Variants in LRMDA observed in about 807,000 individuals in gnomAD.
LRMDA encodes the protein leucine-rich melanocyte differentiation-associated protein.
LRMDA carries 18 observed loss-of-function variants against 29.8 expected under a neutral mutation model. The ratio of observed to expected loss-of-function variants is 0.60; its 90% CI spans 0.42 to 0.90. The LOEUF is 0.90. LRMDA is among the 40% of genes least tolerant of loss of function. LRMDA has a pLI of 0.00. For synonymous variants in LRMDA, 125 were observed against 109.4 expected (o/e 1.14, Z -0.89); for missense variants, 273 against 273.9 (o/e 1.00, Z 0.02).
chr10:76,167,394 G>A (rs1489133049), intron 5 of LRMDA, among the ~76,000 whole-genome samples: 3 of 151,752 alleles, frequency 2.0e-5, no homozygotes, highest in Admixed American at 1.3e-4. Flanking sequence ...GTTCCTATGT[G>A]CAGAATAGTA....
intron 5 of LRMDA, among the ~76,000 whole-genome samples, chr10:76,109,679 G>A (rs752028735): frequency 2.6e-5 from 4 of 152,128 alleles, no homozygotes; most frequent in Non-Finnish European, 4.4e-5. Context: ...GTGTATCAGC[G>A]CAGAATTTGG....
At chr10:76,212,236 AACACACAC>A (rs35344389) in intron 5 of LRMDA, among the ~76,000 whole-genome samples, 38 of 142,884 alleles carry the variant, frequency 2.7e-4, no homozygotes, top group East Asian at 2.3e-3. Flanking sequence ...TGAAAATTAA[AACACACAC>A]ACACACACAC....
chr10:76,330,842 G>A (rs965193278), intron 6 of LRMDA, among the ~76,000 whole-genome samples: 1 of 152,196 alleles, frequency 6.6e-6, no homozygotes, highest in Non-Finnish European at 1.5e-5. Context: ...AGCTAAGTAG[G>A]TCTGATCATT....
chr10:75,578,032 A>C (rs1480771564), intron 2 of LRMDA, among the ~76,000 whole-genome samples: 1 of 152,026 alleles, frequency 6.6e-6, no homozygotes, highest in Admixed American at 6.6e-5. Context: ...AGTTTCACAC[A>C]TAACAATATT....
intron 5 of LRMDA, among the ~76,000 whole-genome samples, chr10:76,182,856 G>T (rs1449558675): frequency 6.6e-6 from 1 of 152,192 alleles, no homozygotes; most frequent in Non-Finnish European, 1.5e-5. Context: ...GAGGAGCTAA[G>T]GGGTGATGGT....
At chr10:75,534,659 C>A (rs1022433438) in intron 2 of LRMDA, among the ~76,000 whole-genome samples, 1 of 152,154 alleles carries the variant, frequency 6.6e-6, no homozygotes, top group African/African-American at 2.4e-5. Context: ...ATCTGAATTA[C>A]GATGTTTTTG....
At chr10:75,611,659 T>C (rs564300968) in intron 2 of LRMDA, among the ~76,000 whole-genome samples, 5 of 152,336 alleles carry the variant, frequency 3.3e-5, no homozygotes, top group Middle Eastern at 3.4e-3. Context: ...ACTTCTGTTT[T>C]CTTAACATGA....
chr10:76,252,737 G>A (rs553677587), intron 5 of LRMDA, among the ~76,000 whole-genome samples: 7 of 152,294 alleles, frequency 4.6e-5, no homozygotes, highest in Admixed American at 4.6e-4. Flanking sequence ...GTGTCCTACT[G>A]CTAGATATTG....
chr10:76,102,300 G>A (rs558411280), intron 5 of LRMDA, among the ~76,000 whole-genome samples: 11 of 152,112 alleles, frequency 7.2e-5, no homozygotes, highest in East Asian at 1.9e-4. Flanking sequence ...TAGGTAAACC[G>A]CGTTGTTGTG....
At chr10:76,015,561 A>G (rs1210681232) in intron 2 of LRMDA, among the ~76,000 whole-genome samples, 1 of 152,186 alleles carries the variant, frequency 6.6e-6, no homozygotes, top group Admixed American at 6.5e-5. Context: ...TTATCTTAGC[A>G]GTGATATCCA....
At chr10:76,415,597 C>T (rs1186719381) in intron 6 of LRMDA, among the ~76,000 whole-genome samples, 3 of 139,548 alleles carry the variant, frequency 2.1e-5, no homozygotes, top group Non-Finnish European at 4.8e-5. Flanking sequence ...TTGGCTGGGG[C>T]GTGTATGTGT....
chr10:76,171,562 C>T (rs1312508801), intron 5 of LRMDA, among the ~76,000 whole-genome samples: 2 of 152,206 alleles, frequency 1.3e-5, no homozygotes, highest in Non-Finnish European at 2.9e-5. Context: ...CCTCCACTAC[C>T]CACTGCTCTG....
chr10:75,679,075 G>A (rs1193659728), intron 2 of LRMDA, among the ~76,000 whole-genome samples: 3 of 152,116 alleles, frequency 2.0e-5, no homozygotes, highest in African/African-American at 7.2e-5. Flanking sequence ...CTTCAGAGTT[G>A]GAGGTTCAGT....
chr10:75,601,887 C>T (rs1840891251), intron 2 of LRMDA, among the ~76,000 whole-genome samples: 1 of 152,130 alleles, frequency 6.6e-6, no homozygotes, highest in South Asian at 2.1e-4. Flanking sequence ...ATATCATCTT[C>T]TCTGTACATG....
chr10:75,554,034 T>C (rs1840185507), intron 2 of LRMDA, among the ~76,000 whole-genome samples: 1 of 152,206 alleles, frequency 6.6e-6, no homozygotes, highest in South Asian at 2.1e-4. Flanking sequence ...ATCTGTCCTC[T>C]GCTAAAGAAG....
intron 2 of LRMDA, among the ~76,000 whole-genome samples, chr10:75,444,143 A>AT (rs1424689464): frequency 2.6e-5 from 4 of 151,928 alleles, no homozygotes; most frequent in East Asian, 3.9e-4. Flanking sequence ...TACTGTATGT[A>AT]TTTTTTTTCT....
In LRMDA at chr10:75,531,071, C is replaced by T. The variant is rs970209320; in HGVS notation, c.131+92577C>T. Among the ~76,000 whole-genome samples, 3 of 152,194 alleles carry T rather than the reference C, an allele frequency of 2.0e-5. No homozygotes were observed. In the South Asian group the frequency reaches 6.2e-4, roughly 32 times the overall value. On this transcript the variant is annotated intron_variant, in intron 2 of 6. Coordinates refer to ENST00000611255, the MANE Select transcript of LRMDA (RefSeq NM_001305581.2). ...AGATAGAGGCTAAGCAAGGTCTGCT[C>T]TTTCACTGGGCATGTCTCTTGAGTG...
intron 5 of LRMDA, among the ~76,000 whole-genome samples, chr10:76,310,068 C>T (rs928004789): frequency 6.6e-6 from 1 of 152,144 alleles, no homozygotes; most frequent in African/African-American, 2.4e-5. Flanking sequence ...TTTTTTTCCT[C>T]ATTTATGATT....
At chr10:76,228,397 TAGAC>T (rs1852000686) in intron 5 of LRMDA, among the ~76,000 whole-genome samples, 1 of 152,138 alleles carries the variant, frequency 6.6e-6, no homozygotes, top group Non-Finnish European at 1.5e-5. Context: ...GGCATTGTAA[TAGAC>T]GGAGTTTAAT....
Sources: allele counts gnomAD v4.1 joint callset (sites outside exome capture counted in the v4.1 genomes callset), GRCh38; gene constraint gnomAD v4.1.1; transcripts MANE v1.5; gene names NCBI Gene and HGNC (gene_info 2026-07-23, HGNC 2026-07-21).